Variants in CBFA2T2 observed in about 807,000 individuals in gnomAD.
CBFA2T2 encodes protein CBFA2T2.
In CBFA2T2, 11 loss-of-function variants were observed where a neutral mutation model predicts 62.2. That is an observed-to-expected ratio of 0.18 (90% CI 0.11 to 0.29). CBFA2T2 has a LOEUF of 0.29. Ranked by LOEUF, CBFA2T2 falls within the 10% of genes least tolerant of loss-of-function variation. The pLI is 1.00. For synonymous variants in CBFA2T2, 295 were observed against 287.5 expected (o/e 1.03, Z -0.27); for missense variants, 592 against 774.1 (o/e 0.76, Z 2.79).
chr20:33,530,087 T>A (rs1458416927), intron 1 of CBFA2T2, among the ~76,000 whole-genome samples: 1 of 151,792 alleles, frequency 6.6e-6, no homozygotes, highest in Admixed American at 6.6e-5. Context: ...TCGCCTGGCC[T>A]ATTTTATTTT....
At chr20:33,579,839 A>C (rs1377050196) in intron 1 of CBFA2T2, among the ~76,000 whole-genome samples, 2 of 130,078 alleles carry the variant, frequency 1.5e-5, no homozygotes, top group Non-Finnish European at 3.2e-5. Context: ...TTTGAGACGG[A>C]GTTTCTCTCT....
intron 1 of CBFA2T2, among the ~76,000 whole-genome samples, chr20:33,559,607 C>T (rs756769427): frequency 1.3e-5 from 2 of 152,154 alleles, no homozygotes; most frequent in African/African-American, 4.8e-5. Context: ...CTGGCTCAGC[C>T]TCCCAAGTAG....
chr20:33,584,584 T>G (rs2014283504), intron 1 of CBFA2T2, among the ~76,000 whole-genome samples: 1 of 152,076 alleles, frequency 6.6e-6, no homozygotes, highest in Admixed American at 6.6e-5. Context: ...GAGTTTAAGA[T>G]TTTTCCCTCA....
At chr20:33,546,314 A>G (rs759818163) in intron 1 of CBFA2T2, among the ~76,000 whole-genome samples, 1 of 152,140 alleles carries the variant, frequency 6.6e-6, no homozygotes, top group Non-Finnish European at 1.5e-5. Flanking sequence ...AAAGAAAAGG[A>G]CATTTTCAGT....
At position 33,649,195 on chromosome 20, in the gene CBFA2T2, G is replaced by A. The variant is rs940835672; in HGVS notation, c.*4549G>A. On this transcript the variant is annotated 3_prime_UTR_variant, in exon 11 of 11. Coordinates refer to ENST00000342704, the MANE Select transcript of CBFA2T2 (RefSeq NM_001032999.3). Reference sequence around the variant, plus strand: ...TTTTTAAGCTGTTTGCAGAAAACTGGGTGGTAGCGTGTCTGAACCAAACGG... The same window carrying A: ...TTTTTAAGCTGTTTGCAGAAAACTGAGTGGTAGCGTGTCTGAACCAAACGG... The A allele has an allele frequency of 6.6e-6, 1 of 152,132 alleles. No homozygotes were observed. The highest frequency in any genetic ancestry group is 2.4e-5 in the African/African-American group (1 of 41,424). 9.4% of individuals were successfully genotyped at this position (152,132 alleles called of 1,614,324 possible).
chr20:33,617,588 C>G (rs2015757260), intron 3 of CBFA2T2, among the ~76,000 whole-genome samples: 1 of 152,174 alleles, frequency 6.6e-6, no homozygotes, highest in Admixed American at 6.5e-5. Flanking sequence ...GTAGCCCTTC[C>G]ATACATTTAA....
chr20:33,537,096 C>T (rs1266240448), intron 1 of CBFA2T2, among the ~76,000 whole-genome samples: 2 of 152,176 alleles, frequency 1.3e-5, no homozygotes, highest in African/African-American at 2.4e-5. Context: ...GGTGGCCGGG[C>T]AGAGGCTGCA....
chr20:33,630,825 T>G (rs2016419935), intron 8 of CBFA2T2, among the ~76,000 whole-genome samples: 1 of 152,188 alleles, frequency 6.6e-6, no homozygotes, highest in South Asian at 2.1e-4. Flanking sequence ...TAAAAGACTG[T>G]AAGGAAAACT....
chr20:33,574,009 AAACT>A, intron 1 of CBFA2T2: 2 of 981,998 alleles, frequency 2.0e-6, no homozygotes, highest in Non-Finnish European at 2.8e-6. Flanking sequence ...GGTGGGTCTC[AAACT>A]CCTGGGCTAA....
At chr20:33,557,905 G>A (rs575224819) in intron 1 of CBFA2T2, among the ~76,000 whole-genome samples, 11 of 151,076 alleles carry the variant, frequency 7.3e-5, no homozygotes, top group Admixed American at 6.6e-5. Flanking sequence ...GCGCGATCTC[G>A]GCTCACCGCA....
At chr20:33,525,343 T>G (rs2011857882) in intron 1 of CBFA2T2, among the ~76,000 whole-genome samples, 1 of 151,858 alleles carries the variant, frequency 6.6e-6, no homozygotes, top group Non-Finnish European at 1.5e-5. Context: ...TGTGCCACCA[T>G]GCCCGGCTAA....
At chr20:33,510,818 G>T (rs1015549489) in intron 1 of CBFA2T2, among the ~76,000 whole-genome samples, 1 of 152,094 alleles carries the variant, frequency 6.6e-6, no homozygotes, top group East Asian at 1.9e-4. Context: ...ACCTTTTAAT[G>T]ATCGCTATTC....
At chr20:33,557,173 C>T (rs879388347) in intron 1 of CBFA2T2, among the ~76,000 whole-genome samples, 8 of 151,902 alleles carry the variant, frequency 5.3e-5, no homozygotes, top group Non-Finnish European at 1.0e-4. Flanking sequence ...TACCACCACG[C>T]CTGGCTAATT....
intron 6 of CBFA2T2, among the ~76,000 whole-genome samples, chr20:33,626,498 A>G (rs2016233827): frequency 6.6e-6 from 1 of 152,166 alleles, no homozygotes; most frequent in African/African-American, 2.4e-5. Context: ...GTGCTCAGAA[A>G]CCTTTAAATT....
chr20:33,527,881 T>G (rs1279258248), intron 1 of CBFA2T2, among the ~76,000 whole-genome samples: 1 of 152,088 alleles, frequency 6.6e-6, no homozygotes, highest in African/African-American at 2.4e-5. Context: ...TATTTTCTTT[T>G]TTTTCTTTGC....
intron 5 of CBFA2T2, 128 bp downstream of exon 5, chr20:33,623,424 G>A: frequency 9.4e-7 from 1 of 1,066,624 alleles, no homozygotes; most frequent in South Asian, 1.5e-5. Context: ...ACAAGGCCTG[G>A]CTCTGTCGCC....
intron 1 of CBFA2T2, among the ~76,000 whole-genome samples, chr20:33,513,537 T>G (rs1395672407): frequency 6.6e-6 from 1 of 151,604 alleles, no homozygotes; most frequent in East Asian, 2.0e-4. Flanking sequence ...AATTTTTGTA[T>G]TTTTTAGTAG....
chr20:33,516,320 A>G (rs2011599185), intron 1 of CBFA2T2, among the ~76,000 whole-genome samples: 1 of 150,882 alleles, frequency 6.6e-6, no homozygotes, highest in Non-Finnish European at 1.5e-5. Context: ...AAATATAAAA[A>G]TTAGCTGGGT....
intron 2 of CBFA2T2, 87 bp downstream of exon 2, chr20:33,607,186 TATTC>T: frequency 8.1e-7 from 1 of 1,228,492 alleles, no homozygotes; most frequent in Non-Finnish European, 1.1e-6. Context: ...CCACATATAT[TATTC>T]AGTGTTTTCA....
Sources: allele counts gnomAD v4.1 joint callset (sites outside exome capture counted in the v4.1 genomes callset), GRCh38; gene constraint gnomAD v4.1.1; transcripts MANE v1.5; gene names NCBI Gene and HGNC (gene_info 2026-07-23, HGNC 2026-07-21).